The following MFSD2B variants were observed in gnomAD, a reference collection of about 807,000 sequenced individuals.
MFSD2B encodes the protein MFSD2 lysolipid transporter B, sphingolipid, also known as sphingosine-1-phosphate transporter MFSD2B.
In MFSD2B, 56 loss-of-function variants were observed where a neutral mutation model predicts 58.4. The ratio of observed to expected loss-of-function variants is 0.96; its 90% CI spans 0.77 to 1.20. The LOEUF is 1.20. Among genes scored for constraint, MFSD2B ranks in the 50% most tolerant of loss-of-function variants. The probability of loss-of-function intolerance (pLI) is 0.00; values close to 1 mark genes in which losing one functional copy is unlikely to be tolerated. For synonymous variants in MFSD2B, 287 were observed against 294.4 expected, an observed-to-expected ratio of 0.97 and a Z score of 0.26; for missense variants, 645 against 667.6, an observed-to-expected ratio of 0.97 and a Z score of 0.37.
At chr2:24,014,244 C>A (rs1261611323) in intron 2 of MFSD2B, among the ~76,000 whole-genome samples, 1 of 151,890 alleles carries the variant, frequency 6.6e-6, no homozygotes, top group Non-Finnish European at 1.5e-5. Flanking sequence ...GAACTCCTGA[C>A]CTCGTGATCC....
intron 13 of MFSD2B, 72 bp from the exon 14 acceptor site, chr2:24,025,360 C>A: frequency 1.4e-6 from 2 of 1,419,930 alleles, no homozygotes; most frequent in Non-Finnish European, 1.9e-6. Context: ...AAACCTTCCG[C>A]GGGCTTCTGC....
intron 3 of MFSD2B, among the ~76,000 whole-genome samples, chr2:24,016,571 G>A (rs564247300): frequency 2.0e-5 from 3 of 152,306 alleles, no homozygotes; most frequent in Non-Finnish European, 2.9e-5. Context: ...GAGGCCTCAC[G>A]GAGGAAGTAC....
intron 1 of MFSD2B, among the ~76,000 whole-genome samples, chr2:24,010,478 C>T (rs1484218748): frequency 6.6e-6 from 1 of 152,212 alleles, no homozygotes; most frequent in Admixed American, 6.5e-5. Flanking sequence ...GTCCGTGCCA[C>T]CGCAGGTCCT....
chr2:24,010,162 C>A lies in MFSD2B; in HGVS notation c.66C>A (p.Pro22=). The A allele has an allele frequency of 6.9e-7, 1 of 1,450,252 alleles. No homozygotes were observed. Among genetic ancestry groups the A allele is most frequent in the Non-Finnish European group, 9.0e-7 (1 of 1,106,402 alleles). The allele number at this position is 1,450,252 out of a possible 1,614,324, so 89.8% of individuals were successfully genotyped here. A position where few individuals can be genotyped will look rare whatever the true frequency, so the allele number is the denominator to read the frequency against. Residue 22 remains proline, a synonymous_variant, in exon 1 of 14, where the codon CCC becomes CCA. Transcript: ENST00000338315. The stretch of plus-strand genomic sequence containing the variant: ...AGCCGGAGCCGCACGCCCCAGAGCC[C>A]GGCCCGGGGAGCGCCAAGCGAGGGC... ...SPQPEPHAPE[P]GPGSAKRGRE... is the part of the protein sequence containing the mutation.
chr2:24,021,812 C>A lies in MFSD2B; in HGVS notation c.773-37C>A, dbSNP rs536416317. The stretch of plus-strand genomic sequence containing the variant: ...CTTGGGGGCAGGTTTTGCTTTTGAA[C>A]TCTGCGAAGCCAAGGTGACACGCTT... On this transcript the variant is annotated intron_variant, in intron 7 of 13. Coordinates refer to ENST00000338315, the MANE Select transcript of MFSD2B (RefSeq NM_001346880.2). The surrounding 1 kb of genome is among the most constrained non-coding windows in gnomAD (Gnocchi z 5.7). 21 of 1,613,298 alleles carry A rather than the reference C, an allele frequency of 1.3e-5. No homozygotes were observed. The Admixed American group carries it at 2.7e-4, about 20-fold the overall frequency.
At chr2:24,018,820 T>G (rs1025187901) in intron 6 of MFSD2B, 1 of 159,334 alleles carries the variant, frequency 6.3e-6, no homozygotes, top group African/African-American at 2.4e-5. Flanking sequence ...CTCTGTGTGC[T>G]CTGAAACCTG....
In MFSD2B at chr2:24,023,889, A is replaced by G. The variant is rs942719121; in HGVS notation, c.1313+163A>G. Among the ~76,000 whole-genome samples the G allele has an allele frequency of 6.6e-6, 1 of 152,122 alleles. No individual in the cohort carries two copies. Among genetic ancestry groups the G allele is most frequent in the Admixed American group, 6.5e-5 (1 of 15,282 alleles). ...ACTTCCCCAGGTTTCTCTGTGCATGAGACTGAGAGGGCCAGCTCCCCTATT... is the reference window on the plus strand; with the variant it reads ...ACTTCCCCAGGTTTCTCTGTGCATGGGACTGAGAGGGCCAGCTCCCCTATT... On this transcript the variant is annotated intron_variant, in intron 12 of 13. Transcript: ENST00000338315. This position sits in a 1 kb window ranked among gnomAD's most constrained non-coding sequence, Gnocchi z 5.0.
intron 13 of MFSD2B, among the ~76,000 whole-genome samples, chr2:24,025,133 G>A (rs1381984204): frequency 6.6e-6 from 1 of 152,216 alleles, no homozygotes; most frequent in Non-Finnish European, 1.5e-5. Flanking sequence ...CGCGGGACAG[G>A]CAGTGGGTGG....
chr2:24,010,085 G>T lies in MFSD2B; in HGVS notation c.-12G>T. 1 of 1,424,580 alleles carries T rather than the reference G, an allele frequency of 7.0e-7. No homozygotes were observed. The highest frequency in any genetic ancestry group is 3.0e-5 in the East Asian group (1 of 32,898). 88.2% of individuals were successfully genotyped at this position (1,424,580 alleles called of 1,614,324 possible). On this transcript the variant is annotated 5_prime_UTR_variant, in exon 1 of 14. Transcript: ENST00000338315. Reference sequence around the variant, plus strand: ...CCCGAGGGCAACGGCCGCGGGCGGCGCTGCGGTGGCAATGGCGGCGCCCCC... The same window carrying T: ...CCCGAGGGCAACGGCCGCGGGCGGCTCTGCGGTGGCAATGGCGGCGCCCCC...
rs1365561261 is a variant in MFSD2B, at chr2:24,024,310, T to G, written c.1490+39T>G. On this transcript the variant is annotated intron_variant, in intron 13 of 13. Coordinates refer to ENST00000338315, the MANE Select transcript of MFSD2B (RefSeq NM_001346880.2). This position sits in a 1 kb window ranked among gnomAD's most constrained non-coding sequence, Gnocchi z 4.3. ...GCCCCCTGCAGCCAGCGAGGCACAG[T>G]GTGGGCTGCTGGGGGAATGACTAAC... 1 of 1,553,228 alleles carries G rather than the reference T, an allele frequency of 6.4e-7. No homozygotes were observed. The highest frequency in any genetic ancestry group is 1.9e-5 in the Admixed American group (1 of 52,116).
intron 1 of MFSD2B, among the ~76,000 whole-genome samples, chr2:24,011,946 A>C (rs1045607488): frequency 4.6e-5 from 7 of 152,178 alleles, no homozygotes; most frequent in Non-Finnish European, 7.3e-5. Flanking sequence ...TGGGAAGGGC[A>C]AAGGCCCTGA....
rs570665325 is a variant in MFSD2B at position 24,024,210 on chromosome 2, A to C, written c.1429A>C (p.Met477Leu). Residue 477 changes from methionine (M) to leucine (L), a missense_variant, in exon 13 of 14, where the codon ATG (methionine) becomes CTG (leucine). Transcript: ENST00000338315. This position sits in a 1 kb window ranked among gnomAD's most constrained non-coding sequence, Gnocchi z 4.3. Reference sequence around the variant, plus strand: ...GATCCTTGCTGGGCTCTGCATCCTCATGGTCGGCTCCACTCCAAAGACACC... The same window carrying C: ...GATCCTTGCTGGGCTCTGCATCCTCCTGGTCGGCTCCACTCCAAAGACACC... ...CMILAGLCILMVGSTPKTPSR... is the reference protein window; with the variant it reads ...CMILAGLCILLVGSTPKTPSR... 1 of 1,613,296 alleles carries C rather than the reference A, an allele frequency of 6.2e-7. No homozygotes were observed. Among genetic ancestry groups the C allele is most frequent in the South Asian group, 1.1e-5 (1 of 90,964 alleles).
intron 1 of MFSD2B, 35 bp from the exon 2 acceptor site, chr2:24,013,250 T>C: frequency 6.4e-7 from 1 of 1,552,296 alleles, no homozygotes. Context: ...TTTGTGTCTG[T>C]TGGGAGAAGG....
intron 2 of MFSD2B, 100 bp from the exon 3 acceptor site, chr2:24,016,056 T>C: frequency 6.9e-7 from 1 of 1,455,074 alleles, no homozygotes; most frequent in South Asian, 1.1e-5. Flanking sequence ...TGCCCTCCGG[T>C]CCCGGTTCCC....
Position 24,024,068 on chromosome 2 carries a change from C to G in MFSD2B, c.1314-27C>G, listed in dbSNP as rs569950030. On this transcript the variant is annotated intron_variant, in intron 12 of 13. Transcript: ENST00000338315. The surrounding 1 kb of genome is among the most constrained non-coding windows in gnomAD (Gnocchi z 4.3). Reference sequence around the variant, plus strand: ...GGGTGCCAGGCTCAGCAGGCCCTGCCCTAATGGCTGGCTGATGTTTCTCCA... The same window carrying G: ...GGGTGCCAGGCTCAGCAGGCCCTGCGCTAATGGCTGGCTGATGTTTCTCCA... 3 of 1,611,428 alleles carry G rather than the reference C, an allele frequency of 1.9e-6. No homozygotes were observed. Among genetic ancestry groups the G allele is most frequent in the Non-Finnish European group, 2.5e-6 (3 of 1,178,448 alleles).
Position 24,012,893 on chromosome 2 carries a change from AGAT to A in MFSD2B, c.97-389_97-387del. ...AGTTGGCAGGGATGTTGCATTTGAC[AGAT>A]GAGGAAAACAGGCTTAGAGAGATGA... On this transcript the variant is annotated intron_variant, in intron 1 of 13. Coordinates refer to ENST00000338315, the MANE Select transcript of MFSD2B (RefSeq NM_001346880.2). This position sits in a 1 kb window ranked among gnomAD's most constrained non-coding sequence, Gnocchi z 4.5. The A allele has an allele frequency of 6.2e-6, 1 of 161,832 alleles. No individual in the cohort carries two copies. Among genetic ancestry groups the A allele is most frequent in the East Asian group, 1.8e-4 (1 of 5,664 alleles). 10.0% of individuals were successfully genotyped at this position (161,832 alleles called of 1,614,324 possible).
intron 6 of MFSD2B, chr2:24,018,871 G>C (rs1250068865): frequency 9.6e-6 from 1 of 103,856 alleles, no homozygotes; most frequent in Admixed American, 1.5e-4. Flanking sequence ...TTTTTTTTGA[G>C]ACGGAATCTC....
At chr2:24,016,128 T>G (rs1709135844) in intron 2 of MFSD2B, 28 bp from the exon 3 acceptor site, 1 of 1,611,974 alleles carries the variant, frequency 6.2e-7, no homozygotes, top group Non-Finnish European at 8.5e-7. Context: ...GGGCCTCAGC[T>G]CTCTATCCCC....
chr2:24,016,320 C>CCTGGCA, intron 3 of MFSD2B, 40 bp downstream of exon 3: 1 of 1,565,836 alleles, frequency 6.4e-7, no homozygotes, highest in Non-Finnish European at 8.7e-7. Context: ...GGCACCTGGT[C>CCTGGCA]CTGGCCCTGA....
Sources: gnomAD v4.1 joint callset for allele counts (sites outside exome capture counted in the v4.1 genomes callset) on GRCh38, gnomAD v4.1.1 for gene constraint, Gnocchi (gnomAD v3.1) non-coding constraint, MANE v1.5 for transcripts, NCBI Gene and HGNC (gene_info 2026-07-23, HGNC 2026-07-21) for gene names.